The following MAP7D2 variants were observed in gnomAD, a reference collection of about 807,000 sequenced individuals.
The protein encoded by MAP7D2 is MAP7 domain-containing protein 2.
MAP7D2 carries 33 observed loss-of-function variants against 63.5 expected under a neutral mutation model. That is an observed-to-expected ratio of 0.52 (90% CI 0.39 to 0.70). The LOEUF is 0.70. Ranked by LOEUF, MAP7D2 falls within the 30% of genes least tolerant of loss-of-function variation. MAP7D2 has a pLI of 0.00. For synonymous variants in MAP7D2, 224 were observed against 223.7 expected, an observed-to-expected ratio of 1.00 and a Z score of -0.01; for missense variants, 626 against 604.0, an observed-to-expected ratio of 1.04 and a Z score of -0.38.
At chrX:20,075,062 A>C (rs1177556208) in intron 1 of MAP7D2, among the ~76,000 whole-genome samples, 1 of 111,886 alleles carries the variant, frequency 8.9e-6, no homozygotes, top group Admixed American at 9.5e-5. Flanking sequence ...CAAAACAAAC[A>C]AACAAACAAA....
intron 3 of MAP7D2, among the ~76,000 whole-genome samples, chrX:20,058,562 C>A (rs1189728890): frequency 8.9e-6 from 1 of 111,754 alleles, no homozygotes; most frequent in Non-Finnish European, 1.9e-5. Context: ...GAAAGCCAGA[C>A]CTGCCCCTGG....
intron 6 of MAP7D2, chrX:20,049,953 A>T: frequency 3.6e-6 from 1 of 275,553 alleles, no homozygotes; most frequent in Non-Finnish European, 6.9e-6. Flanking sequence ...TGAGCATCTT[A>T]TGAACCTATT....
chrX:20,094,569 CATATAT>C (rs1491172079), intron 1 of MAP7D2, among the ~76,000 whole-genome samples: 1 of 8,488 alleles, frequency 1.2e-4, no homozygotes, highest in African/African-American at 4.4e-4. Flanking sequence ...TATATATATA[CATATAT>C]ATGTATATAT....
chrX:20,094,542 G>A (rs5909354), intron 1 of MAP7D2, among the ~76,000 whole-genome samples: 1,194 of 5,693 alleles, frequency 0.21, 124 homozygotes, highest in Non-Finnish European at 0.29. Context: ...ATATATATAT[G>A]TATATATATA....
intron 10 of MAP7D2, among the ~76,000 whole-genome samples, chrX:20,017,684 A>G (rs986525368): frequency 1.2e-4 from 14 of 112,318 alleles, no homozygotes; most frequent in Non-Finnish European, 2.6e-4. Context: ...TATTCTGGAG[A>G]GGAGCATTAT....
intron 1 of MAP7D2, among the ~76,000 whole-genome samples, chrX:20,106,728 T>C (rs909402401): frequency 2.7e-5 from 3 of 112,328 alleles, no homozygotes; most frequent in Non-Finnish European, 5.6e-5. Context: ...GTCAGATATC[T>C]CATTAATAAC....
intron 1 of MAP7D2, among the ~76,000 whole-genome samples, chrX:20,080,269 G>A (rs926352927): frequency 9.1e-6 from 1 of 110,418 alleles, no homozygotes; most frequent in Non-Finnish European, 1.9e-5. Flanking sequence ...TTCCCTGTGC[G>A]GTGGTTGCAA....
intron 1 of MAP7D2, among the ~76,000 whole-genome samples, chrX:20,109,855 G>C (rs1049252981): frequency 6.8e-4 from 75 of 110,212 alleles, no homozygotes; most frequent in Non-Finnish European, 1.2e-3. Flanking sequence ...GGCCAACATG[G>C]TGAAACCCCG....
At chrX:20,073,617 C>T (rs1300302714) in intron 1 of MAP7D2, among the ~76,000 whole-genome samples, 27 of 105,981 alleles carry the variant, frequency 2.5e-4, no homozygotes, top group African/African-American at 9.2e-4. Context: ...GCAAGCTCCA[C>T]CTCCCAGGTT....
At chrX:20,114,842 T>C (rs1329775619) in intron 1 of MAP7D2, among the ~76,000 whole-genome samples, 1 of 112,249 alleles carries the variant, frequency 8.9e-6, no homozygotes, top group Non-Finnish European at 1.9e-5. Flanking sequence ...TCATTAGGAA[T>C]GGGTCCCAAA....
At chrX:20,103,352 G>A (rs922953198) in intron 1 of MAP7D2, among the ~76,000 whole-genome samples, 1 of 111,977 alleles carries the variant, frequency 8.9e-6, no homozygotes, top group Non-Finnish European at 1.9e-5. Context: ...AGGATTGGCT[G>A]ACTGTGGGCA....
chrX:20,034,341 G>C lies in MAP7D2; in HGVS notation c.1007+8161C>G, dbSNP rs1390954083. 3.6e-5 allele frequency among the ~76,000 whole-genome samples: 4 copies of C among 109,822 alleles called. No homozygotes were observed. The South Asian group carries it at 1.2e-3, about 33-fold the overall frequency. ...GGGGCAGGTGGGTCATTTGAGCTCA[G>C]GAGTGAACAAAGGGCAAAGTCCTTG... On this transcript the variant is annotated intron_variant, in intron 8 of 16. Transcript: ENST00000379643.
At chrX:20,115,252 A>AC (rs2066862360) in intron 1 of MAP7D2, among the ~76,000 whole-genome samples, 1 of 108,283 alleles carries the variant, frequency 9.2e-6, no homozygotes, top group African/African-American at 3.4e-5. Flanking sequence ...AAAAAAAAAA[A>AC]AAAAAACCCC....
At chrX:20,101,021 C>CAA (rs567374019) in intron 1 of MAP7D2, among the ~76,000 whole-genome samples, 563 of 44,617 alleles carry the variant, frequency 0.013, 12 homozygotes, top group African/African-American at 0.041. Flanking sequence ...AACTCCGTCT[C>CAA]AAAAAAAAAA....
chrX:20,012,679 A>G (rs1049189394), intron 14 of MAP7D2, 144 bp from the exon 15 acceptor site: 5 of 483,442 alleles, frequency 1.0e-5, no homozygotes, highest in Non-Finnish European at 1.7e-5. Context: ...AAATAAACCC[A>G]TATAATCACC....
chrX:20,116,713 A>G, intron 1 of MAP7D2, 37 bp downstream of exon 1: 1 of 1,132,329 alleles, frequency 8.8e-7, no homozygotes, highest in South Asian at 2.2e-5. Context: ...CAGGAACCCG[A>G]AGCCCTCGGG....
rs1461852324 is a variant in MAP7D2, at chrX:20,116,906, C to G, written c.-27G>C. ...GGGATGCGCCGGCCGCACAGGCGCA[C>G]TGCCAAGCCCGCCGCGCCGCACCGA... On this transcript the variant is annotated 5_prime_UTR_variant, in exon 1 of 17. Transcript: ENST00000379643. 45 of 1,042,771 alleles carry G rather than the reference C, an allele frequency of 4.3e-5. No homozygotes were observed. The highest frequency in any genetic ancestry group is 5.5e-5 in the Non-Finnish European group (45 of 815,597). The allele number at this position is 1,042,771 out of a possible 1,213,427, so 85.9% of individuals were successfully genotyped here.
chrX:20,019,538 GC>G (rs994009546), intron 10 of MAP7D2, among the ~76,000 whole-genome samples: 1 of 111,710 alleles, frequency 9.0e-6, no homozygotes, highest in African/African-American at 3.3e-5. Flanking sequence ...CCAGCACCTC[GC>G]CCCCTTTTCT....
chrX:20,086,395 T>G (rs1404670843), intron 1 of MAP7D2, among the ~76,000 whole-genome samples: 1 of 111,790 alleles, frequency 8.9e-6, no homozygotes, highest in Non-Finnish European at 1.9e-5. Context: ...ATAATCCAGA[T>G]GAGAGGTGAT....
Sources: allele counts gnomAD v4.1 joint callset (sites outside exome capture counted in the v4.1 genomes callset), GRCh38; gene constraint gnomAD v4.1.1; transcripts MANE v1.5; gene names NCBI Gene and HGNC (gene_info 2026-07-23, HGNC 2026-07-21).